Variants in MILR1 observed in about 807,000 individuals in gnomAD.
MILR1 encodes allergin-1.
Under a neutral mutation model 18.5 loss-of-function variants are expected in MILR1, and 31 were observed. That is an observed-to-expected ratio of 1.68 (90% CI 1.26 to 2.26). The LOEUF (loss-of-function observed/expected upper bound fraction) is 2.26. Ranked by LOEUF, MILR1 falls within the 30% of genes most tolerant of loss-of-function variation. The pLI is 0.00. For synonymous variants in MILR1, 85 were observed against 56.2 expected, an observed-to-expected ratio of 1.51 and a Z score of -2.30; for missense variants, 257 against 157.4, an observed-to-expected ratio of 1.63 and a Z score of -3.38.
chr17:64,482,119 T>TC, the MILR1 span, among the ~76,000 whole-genome samples: 4 of 145,188 alleles, frequency 2.8e-5, no homozygotes, highest in African/African-American at 7.7e-5. Context: ...TTTTTTTTTT[T>TC]CTGAAGCAGG....
intron 2 of MILR1, among the ~76,000 whole-genome samples, chr17:64,452,095 T>TTTG (rs1424793758): frequency 2.5e-4 from 37 of 149,062 alleles, no homozygotes; most frequent in Admixed American, 6.7e-4. Flanking sequence ...TTTTTTTTTT[T>TTTG]TTGTTCTGTT....
At position 64,452,582 on chromosome 17, in the gene MILR1, C is replaced by A; in HGVS notation, c.98-15C>A. The A allele has an allele frequency of 4.8e-6, 2 of 413,658 alleles. No homozygotes were observed. The highest frequency in any genetic ancestry group is 2.6e-4 in the South Asian group (2 of 7,842). 25.6% of individuals were successfully genotyped at this position (413,658 alleles called of 1,614,324 possible). On this transcript the variant is annotated splice_polypyrimidine_tract_variant and intron_variant, in intron 2 of 9. Transcript: ENST00000619286. The stretch of plus-strand genomic sequence containing the variant: ...TCTTAAGAAGGACTTTTTCTTGTGT[C>A]ATTTTGTTTTTCAGAATTCCCTTCT...
rs946688453 is a variant in MILR1 at position 64,454,670 on chromosome 17, T to G, written c.367+1804T>G. 2.8e-3 allele frequency among the ~76,000 whole-genome samples: 433 copies of G among 152,216 alleles called. 4 individuals carry two copies. Among genetic ancestry groups the G allele is most frequent in the Non-Finnish European group, 1.6e-3 (106 of 68,004 alleles). The stretch of plus-strand genomic sequence containing the variant: ...ACGTATACAAATTTCTGCATAAGGT[T>G]TTAGAGAATGCTACGGACTCCAGGT... On this transcript the variant is annotated intron_variant, in intron 3 of 9. Transcript: ENST00000619286.
At chr17:64,491,617 G>T in the MILR1 span, 1 of 1,529,848 alleles carries the variant, frequency 6.5e-7, no homozygotes, top group Non-Finnish European at 9.0e-7. Context: ...TTCAGCCCTA[G>T]TGGCCTTGAT....
downstream of MILR1, among the ~76,000 whole-genome samples, chr17:64,470,425 T>G (rs117877745): frequency 0.018 from 2,667 of 152,302 alleles, 66 homozygotes; most frequent in Non-Finnish European, 0.022. Context: ...ACCATTGAAT[T>G]ACACACCTAA....
intron 5 of MILR1, among the ~76,000 whole-genome samples, chr17:64,465,163 C>T (rs1555662837): frequency 6.6e-6 from 1 of 152,212 alleles, no homozygotes; most frequent in African/African-American, 2.4e-5. Flanking sequence ...AGACTATTCT[C>T]TTCAGCGAAG....
chr17:64,481,437 G>T, the MILR1 span: 1 of 984,850 alleles, frequency 1.0e-6, no homozygotes, highest in South Asian at 4.7e-5. Context: ...GACGACTGCT[G>T]AAGGAGTCTC....
At chr17:64,467,090 C>A (rs1005902903) in intron 8 of MILR1, among the ~76,000 whole-genome samples, 3 of 130,742 alleles carry the variant, frequency 2.3e-5, no homozygotes, top group Non-Finnish European at 3.4e-5. Flanking sequence ...TTCTTTTTCT[C>A]TTTCTTTTCT....
intron 5 of MILR1, among the ~76,000 whole-genome samples, chr17:64,464,287 T>C (rs1318893557): frequency 6.6e-6 from 1 of 151,416 alleles, no homozygotes; most frequent in Non-Finnish European, 1.5e-5. Context: ...TGGCTAATTT[T>C]TTTTTTTTTT....
chr17:64,490,965 G>A, the MILR1 span: 3 of 1,612,006 alleles, frequency 1.9e-6, no homozygotes, highest in African/African-American at 1.3e-5. Context: ...TGGACTCATG[G>A]CAAACTGGAA....
At chr17:64,496,992 A>T in the MILR1 span, 3 of 1,591,816 alleles carry the variant, frequency 1.9e-6, no homozygotes, top group Admixed American at 1.7e-5. Flanking sequence ...TAAAGAGCAC[A>T]CTCTCCCATC....
At chr17:64,461,053 T>C (rs1297686549) in intron 5 of MILR1, 121 bp downstream of exon 5, 5 of 399,280 alleles carry the variant, frequency 1.3e-5, no homozygotes, top group Non-Finnish European at 4.6e-6. Flanking sequence ...AAAATGAAAA[T>C]AGGAGGAAAA....
At chr17:64,471,303 G>A (rs2037684200), downstream of MILR1, among the ~76,000 whole-genome samples, 2 of 152,092 alleles carry the variant, frequency 1.3e-5, no homozygotes, top group Non-Finnish European at 2.9e-5. Context: ...GAGCCCAAGA[G>A]CCTCTTCTCA....
chr17:64,478,501 C>T, the MILR1 span, among the ~76,000 whole-genome samples: 3 of 152,226 alleles, frequency 2.0e-5, no homozygotes, highest in African/African-American at 4.8e-5. Context: ...TACCAAGTCA[C>T]ACTATCTCAT....
At chr17:64,474,229 C>G in the MILR1 span, among the ~76,000 whole-genome samples, 1 of 152,010 alleles carries the variant, frequency 6.6e-6, no homozygotes, top group Non-Finnish European at 1.5e-5. Flanking sequence ...CGCCTGCCAC[C>G]ATGCCCAGTT....
In MILR1 at chr17:64,457,523, A is replaced by G. The variant is rs1054174866; in HGVS notation, c.491A>G (p.His164Arg). Residue 164 changes from histidine (H) to arginine (R), a missense_variant, in exon 4 of 10, where the codon CAT becomes CGT. Transcript: ENST00000619286. ...LPINYTFFEN[H>R]VAISPAISKY... ...ATCAATTACACTTTCTTTGAAAACC[A>G]TGTTGCCATATCACCAGCTATTTCC... 8.4e-6 allele frequency: 4 copies of G among 475,286 alleles called. No individual in the cohort carries two copies. The highest frequency in any genetic ancestry group is 1.5e-5 in the Non-Finnish European group (4 of 259,060). The allele number at this position is 475,286 out of a possible 1,614,324, so 29.4% of individuals were successfully genotyped here.
chr17:64,481,474 T>C, the MILR1 span: 1 of 887,828 alleles, frequency 1.1e-6, no homozygotes, highest in South Asian at 5.2e-5. Flanking sequence ...CCATCCCCCA[T>C]GGCCTTTCTT....
the MILR1 span, chr17:64,496,643 T>A: frequency 1.3e-5 from 21 of 1,612,716 alleles, no homozygotes; most frequent in Non-Finnish European, 1.8e-5. Flanking sequence ...TGCGGCCAGG[T>A]TCTTCCGCAA....
the MILR1 span, among the ~76,000 whole-genome samples, chr17:64,489,616 C>T: frequency 5.9e-5 from 9 of 152,184 alleles, no homozygotes; most frequent in Non-Finnish European, 1.2e-4. Flanking sequence ...AACCATCAGT[C>T]GGGCATGGTG....
Sources: gnomAD v4.1 joint callset for allele counts (sites outside exome capture counted in the v4.1 genomes callset) on GRCh38, gnomAD v4.1.1 for gene constraint, MANE v1.5 for transcripts, NCBI Gene and HGNC (gene_info 2026-07-23, HGNC 2026-07-21) for gene names.